The following ZNF670 variants were observed in gnomAD, a reference collection of about 807,000 sequenced individuals.
The protein encoded by ZNF670 is zinc finger protein 670.
Under a neutral mutation model 10.9 loss-of-function variants are expected in ZNF670, and 7 were observed. That is an observed-to-expected ratio of 0.64 (90% CI 0.36 to 1.20). The LOEUF (loss-of-function observed/expected upper bound fraction) is 1.20. Ranked by LOEUF, ZNF670 falls within the 50% of genes most tolerant of loss-of-function variation. The pLI, the probability that ZNF670 is intolerant of heterozygous loss-of-function variation, is 0.02. For synonymous variants in ZNF670, 136 were observed against 152.7 expected (o/e 0.89, Z 0.81); for missense variants, 446 against 458.6 (o/e 0.97, Z 0.25).
chr1:247,047,458 A>G (rs1451898100), intron 1 of ZNF670, among the ~76,000 whole-genome samples: 1 of 152,038 alleles, frequency 6.6e-6, no homozygotes, highest in Non-Finnish European at 1.5e-5. Context: ...TAGATTCTCT[A>G]TGTGGGCTAC....
At chr1:247,073,073 A>T (rs1671175851) in intron 1 of ZNF670, among the ~76,000 whole-genome samples, 1 of 151,972 alleles carries the variant, frequency 6.6e-6, no homozygotes, top group Non-Finnish European at 1.5e-5. Context: ...AGAACTGCAC[A>T]AGGTCTGTTT....
At chr1:247,072,804 G>GTATATATATATATA (rs74163726) in intron 1 of ZNF670, among the ~76,000 whole-genome samples, 1,274 of 46,950 alleles carry the variant, frequency 0.027, 70 homozygotes, top group East Asian at 0.049. Context: ...AAAAGTGTGT[G>GTATATATATATATA]TATATATATA....
At position 247,037,573 on chromosome 1, in the gene ZNF670, G is replaced by A. The variant is rs777055005; in HGVS notation, c.1046C>T (p.Ser349Phe). The change falls in exon 4 of 4, where the codon TCC becomes TTC. Residue 349 changes from serine to phenylalanine, a missense_variant. Transcript: ENST00000366503. ...CCTTTCATGGCTTCGAAGGGCACTG[G>A]AAGAAGTAAACGACTTACCACATTC... The part of the protein sequence containing the change: ...CKECGKSFTS[S>F]SALRSHERTH... 3.1e-6 allele frequency: 5 copies of A among 1,614,110 alleles called. No homozygotes were observed. Among genetic ancestry groups the A allele is most frequent in the Admixed American group, 1.7e-5 (1 of 60,024 alleles).
intron 1 of ZNF670, among the ~76,000 whole-genome samples, chr1:247,063,293 G>T (rs1036043696): frequency 2.0e-5 from 3 of 152,162 alleles, no homozygotes; most frequent in African/African-American, 7.2e-5. Flanking sequence ...GAAACTGAAG[G>T]CCAGGCGCGG....
At chr1:247,066,658 G>A (rs1228085968) in intron 1 of ZNF670, among the ~76,000 whole-genome samples, 1 of 152,162 alleles carries the variant, frequency 6.6e-6, no homozygotes, top group Non-Finnish European at 1.5e-5. Context: ...AACTACTTCA[G>A]GCCACGATGG....
chr1:247,063,101 T>C (rs1185988133), intron 1 of ZNF670, among the ~76,000 whole-genome samples: 1 of 152,254 alleles, frequency 6.6e-6, no homozygotes, highest in Non-Finnish European at 1.5e-5. Context: ...CAGGTGGTTA[T>C]TCTCTGCTTT....
chr1:247,074,798 ACCTGCTGCTCACCT>A (rs1045430121), intron 1 of ZNF670, among the ~76,000 whole-genome samples: 16 of 149,592 alleles, frequency 1.1e-4, no homozygotes, highest in Non-Finnish European at 3.0e-5. Context: ...ATGTTCACTC[ACCTGCTGCTCACCT>A]CCTGCTGCAT....
At chr1:247,060,413 A>G (rs1670831115) in intron 1 of ZNF670, among the ~76,000 whole-genome samples, 1 of 152,256 alleles carries the variant, frequency 6.6e-6, no homozygotes, top group Non-Finnish European at 1.5e-5. Flanking sequence ...GGACATCCAT[A>G]CGCAAGGAAA....
intron 1 of ZNF670, among the ~76,000 whole-genome samples, chr1:247,073,240 G>A (rs1671179658): frequency 6.6e-6 from 1 of 152,032 alleles, no homozygotes; most frequent in Non-Finnish European, 1.5e-5. Flanking sequence ...TTCAAATCAT[G>A]GAATAAAATT....
chr1:247,069,575 C>A (rs1671069610), intron 1 of ZNF670, among the ~76,000 whole-genome samples: 1 of 149,738 alleles, frequency 6.7e-6, no homozygotes, highest in Admixed American at 6.6e-5. Context: ...TTTACGATAG[C>A]CAAAATTTGG....
intron 1 of ZNF670, among the ~76,000 whole-genome samples, chr1:247,059,135 A>G (rs1234272052): frequency 2.2e-5 from 3 of 136,388 alleles, no homozygotes; most frequent in African/African-American, 9.0e-5. Flanking sequence ...TCAATCTAAA[A>G]ATGTATTAAA....
At chr1:247,061,037 A>G (rs1670845102) in intron 1 of ZNF670, among the ~76,000 whole-genome samples, 1 of 152,158 alleles carries the variant, frequency 6.6e-6, no homozygotes, top group Non-Finnish European at 1.5e-5. Context: ...ACAATGCACA[A>G]ATCTCAGTGC....
rs369318479 is a variant in ZNF670, at chr1:247,037,399, G to A, written c.*50C>T. 6.6e-7 allele frequency: 1 copy of A among 1,526,008 alleles called. No homozygotes were observed. The allele number at this position is 1,526,008 out of a possible 1,614,324, so 94.5% of individuals were successfully genotyped here. On this transcript the variant is annotated 3_prime_UTR_variant, in exon 4 of 4. Transcript: ENST00000366503. ...TCTAATGAAACTAGAATAACTGAAA[G>A]CTTTAACACACTTCTTACATTGACA...
At chr1:247,044,959 T>TAA (rs368235189) in intron 1 of ZNF670, among the ~76,000 whole-genome samples, 1 of 142,648 alleles carries the variant, frequency 7.0e-6, no homozygotes, top group Non-Finnish European at 1.5e-5. Context: ...ACACAAAAGT[T>TAA]AAAAAAAAAA....
In ZNF670 at chr1:247,039,418, A is replaced by C; in HGVS notation, c.123T>G (p.Ala41=). ...AAGTGTTGTTATTCTTACCTACAGAAGCCAGGTTCCTGAAGATTTCTTGCA... is the reference window on the plus strand; with the variant it reads ...AAGTGTTGTTATTCTTACCTACAGACGCCAGGTTCCTGAAGATTTCTTGCA... The part of the protein sequence containing the change: ...DVMQEIFRNL[A]SVGNKSEDQN... The change falls in exon 2 of 4, where the codon GCT becomes GCG. Residue 41 remains alanine (A), a synonymous_variant. Transcript: ENST00000366503. The C allele has an allele frequency of 6.2e-7, 1 of 1,602,952 alleles. No individual in the cohort carries two copies. Among genetic ancestry groups the C allele is most frequent in the Non-Finnish European group, 8.5e-7 (1 of 1,176,198 alleles).
intron 1 of ZNF670, among the ~76,000 whole-genome samples, chr1:247,073,134 A>G (rs1366889276): frequency 6.6e-6 from 1 of 152,148 alleles, no homozygotes; most frequent in East Asian, 1.9e-4. Context: ...ATTTAAACTT[A>G]GCATAAAACA....
chr1:247,063,577 C>CAAAA (rs5782410), intron 1 of ZNF670, among the ~76,000 whole-genome samples: 8 of 93,248 alleles, frequency 8.6e-5, no homozygotes, highest in Admixed American at 2.6e-4. Context: ...AGCGAGACAC[C>CAAAA]AAAAAAAAAA....
intron 1 of ZNF670, among the ~76,000 whole-genome samples, chr1:247,054,670 C>A (rs1377581936): frequency 6.6e-6 from 1 of 152,158 alleles, no homozygotes; most frequent in African/African-American, 2.4e-5. Flanking sequence ...GGCAGTAAGC[C>A]ACGGGCCTTT....
chr1:247,071,279 A>T (rs55889711), intron 1 of ZNF670, among the ~76,000 whole-genome samples: 39,070 of 152,212 alleles, frequency 0.26, 5,944 homozygotes, highest in African/African-American at 0.41. Context: ...ATCCAGGGAC[A>T]ATTACACAGC....
Sources: allele counts gnomAD v4.1 joint callset (sites outside exome capture counted in the v4.1 genomes callset), GRCh38; gene constraint gnomAD v4.1.1; transcripts MANE v1.5; gene names NCBI Gene and HGNC (gene_info 2026-07-23, HGNC 2026-07-21).